Variants in BTBD16 observed in about 807,000 individuals in gnomAD.
The protein encoded by BTBD16 is BTB domain containing 16, also known as BTB/POZ domain-containing protein 16.
Under a neutral mutation model 67.4 loss-of-function variants are expected in BTBD16, and 66 were observed. That is an observed-to-expected ratio of 0.98 (90% confidence interval 0.80 to 1.20). BTBD16 has a LOEUF of 1.20. BTBD16 is among the 50% of genes most tolerant of loss of function. The pLI, the probability that BTBD16 is intolerant of heterozygous loss-of-function variation, is 0.00. For missense variants in BTBD16, 634 were observed against 616.0 expected, an observed-to-expected ratio of 1.03 and a Z score of -0.31; for synonymous variants, 242 against 236.4, an observed-to-expected ratio of 1.02 and a Z score of -0.22.
chr10:122,276,186 C>G (rs1212036102), intron 2 of BTBD16, among the ~76,000 whole-genome samples: 3 of 152,124 alleles, frequency 2.0e-5, no homozygotes, highest in Admixed American at 2.0e-4. Context: ...TCTGAGAAAG[C>G]AGGTTAGTGG....
chr10:122,282,630 C>T (rs535196400), intron 3 of BTBD16, among the ~76,000 whole-genome samples: 3 of 152,208 alleles, frequency 2.0e-5, no homozygotes, highest in Non-Finnish European at 4.4e-5. Context: ...GTTTCACTTC[C>T]TGGCTTAACA....
chr10:122,305,954 G>A (rs1034367364), intron 9 of BTBD16, among the ~76,000 whole-genome samples: 1 of 152,192 alleles, frequency 6.6e-6, no homozygotes, highest in African/African-American at 2.4e-5. Context: ...ATTTTATGGT[G>A]TATATGTACC....
intron 1 of BTBD16, among the ~76,000 whole-genome samples, chr10:122,274,690 C>T (rs974802834): frequency 1.3e-5 from 2 of 152,298 alleles, no homozygotes; most frequent in South Asian, 4.1e-4. Flanking sequence ...TTAATATCAT[C>T]CCTTTAGTCT....
intron 10 of BTBD16, chr10:122,328,852 G>T (rs10736312): frequency 9.1e-6 from 9 of 984,680 alleles, no homozygotes; most frequent in Non-Finnish European, 1.1e-5. Flanking sequence ...CTTCAGCTCC[G>T]TGAGGAAGTT....
intron 10 of BTBD16, among the ~76,000 whole-genome samples, chr10:122,313,809 C>T (rs1026308523): frequency 1.3e-5 from 2 of 152,168 alleles, no homozygotes; most frequent in African/African-American, 4.8e-5. Context: ...GTGTCTGTCA[C>T]CTTTGTCATA....
rs745344769 is a variant in BTBD16, at chr10:122,286,197, C to T, written c.334C>T (p.Leu112=). 8 of 1,613,998 alleles carry T rather than the reference C, an allele frequency of 5.0e-6. No individual in the cohort carries two copies. The highest frequency in any genetic ancestry group is 3.3e-5 in the Admixed American group (2 of 60,022). ...CTTGGCCAAGCTCTACCTGAAAGCC[C>T]TGGCGCAGGGCACCACACACCCCCT... ...ETLAKLYLKA[L]AQGTTHPLRE... The change falls in exon 5 of 16, where the codon CTG becomes TTG. Residue 112 remains leucine (L), a synonymous_variant. Transcript: ENST00000260723.
chr10:122,296,517 C>T (rs1564977312), intron 7 of BTBD16, among the ~76,000 whole-genome samples: 1 of 152,068 alleles, frequency 6.6e-6, no homozygotes, highest in African/African-American at 2.4e-5. Context: ...GTTGTGCTTC[C>T]GTATGAGATC....
rs148898101 is a variant in BTBD16, at chr10:122,277,300, A to G, written c.167+361A>G. 7.6e-3 allele frequency among the ~76,000 whole-genome samples: 1,156 copies of G among 152,092 alleles called. 6 individuals carry two copies. Among genetic ancestry groups the G allele is most frequent in the Middle Eastern group, 0.021 (6 of 290 alleles). On this transcript the variant is annotated intron_variant, in intron 3 of 15. Coordinates refer to ENST00000260723, the MANE Select transcript of BTBD16 (RefSeq NM_144587.5). The stretch of plus-strand genomic sequence containing the variant: ...CTGGCTCAGTGTTTAGACAGCTTGT[A>G]AATGTCCATTTTCACCCAATGAATT...
intron 10 of BTBD16, among the ~76,000 whole-genome samples, chr10:122,317,562 G>A (rs1376181285): frequency 6.6e-6 from 1 of 152,074 alleles, no homozygotes; most frequent in African/African-American, 2.4e-5. Flanking sequence ...CAGGAGAATG[G>A]CGTGAACCTG....
intron 10 of BTBD16, among the ~76,000 whole-genome samples, chr10:122,315,702 A>G (rs189435247): frequency 6.6e-6 from 1 of 152,222 alleles, no homozygotes; most frequent in Admixed American, 6.5e-5. Context: ...TTAAGATTTT[A>G]TGGGTCTTTT....
chr10:122,296,454 G>A (rs1407779746), intron 7 of BTBD16, among the ~76,000 whole-genome samples: 2 of 152,070 alleles, frequency 1.3e-5, no homozygotes, highest in African/African-American at 2.4e-5. Flanking sequence ...GCCCATGAGC[G>A]GTGTGTATAT....
At chr10:122,310,377 A>G (rs1426283316) in intron 10 of BTBD16, among the ~76,000 whole-genome samples, 1 of 152,180 alleles carries the variant, frequency 6.6e-6, no homozygotes, top group Admixed American at 6.5e-5. Flanking sequence ...CTGACCAGCA[A>G]CAGTGCGGAG....
chr10:122,273,793 T>G (rs892087900), intron 1 of BTBD16, among the ~76,000 whole-genome samples: 2 of 152,186 alleles, frequency 1.3e-5, no homozygotes, highest in Non-Finnish European at 2.9e-5. Flanking sequence ...AATTTTTCTT[T>G]CCTGTCATTG....
At chr10:122,296,141 C>T (rs2096382732) in intron 7 of BTBD16, among the ~76,000 whole-genome samples, 1 of 152,042 alleles carries the variant, frequency 6.6e-6, no homozygotes, top group South Asian at 2.1e-4. Context: ...AAAAACAATT[C>T]ACTTGGGAGA....
At chr10:122,321,592 A>G (rs554746209) in intron 10 of BTBD16, among the ~76,000 whole-genome samples, 8 of 152,100 alleles carry the variant, frequency 5.3e-5, no homozygotes, top group Non-Finnish European at 1.2e-4. Context: ...TTTGATTTGC[A>G]TTTTTCCGAT....
At chr10:122,327,948 C>T (rs1398515914) in intron 10 of BTBD16, among the ~76,000 whole-genome samples, 5 of 152,182 alleles carry the variant, frequency 3.3e-5, no homozygotes, top group African/African-American at 7.2e-5. Context: ...CAGCTCCAGC[C>T]GGGGCCCACT....
At chr10:122,273,457 C>T (rs144874943) in intron 1 of BTBD16, among the ~76,000 whole-genome samples, 450 of 152,108 alleles carry the variant, frequency 3.0e-3, no homozygotes, top group African/African-American at 9.9e-3. Flanking sequence ...AAATATTATG[C>T]GGCCAGAAAC....
chr10:122,277,111 A>G (rs2096342410), intron 3 of BTBD16, among the ~76,000 whole-genome samples, 172 bp downstream of exon 3: 1 of 151,424 alleles, frequency 6.6e-6, no homozygotes, highest in Non-Finnish European at 1.5e-5. Context: ...AGTGACTACT[A>G]CCTCTGAGAA....
intron 7 of BTBD16, among the ~76,000 whole-genome samples, chr10:122,296,383 C>A (rs559479963): frequency 1.3e-5 from 2 of 152,252 alleles, no homozygotes; most frequent in South Asian, 2.1e-4. Context: ...TCTGGTCTGG[C>A]CTTATGGAAG....
Sources: gnomAD v4.1 joint callset for allele counts (sites outside exome capture counted in the v4.1 genomes callset) on GRCh38, gnomAD v4.1.1 for gene constraint, MANE v1.5 for transcripts, NCBI Gene and HGNC (gene_info 2026-07-23, HGNC 2026-07-21) for gene names.